Variants in RAB1A observed in about 807,000 individuals in gnomAD.
The protein encoded by RAB1A is ras-related protein Rab-1A.
In RAB1A, 2 loss-of-function variants were observed where a neutral mutation model predicts 26.0. That is an observed-to-expected ratio of 0.08 (90% confidence interval 0.03 to 0.24). The LOEUF is 0.24. Ranked by LOEUF, RAB1A falls within the 10% of genes least tolerant of loss-of-function variation. The pLI is 1.00. For synonymous variants in RAB1A, 84 were observed against 84.9 expected (o/e 0.99, Z 0.06); for missense variants, 100 against 247.0 (o/e 0.40, Z 3.99).
chr2:65,105,642 T>A (rs1018660662), intron 1 of RAB1A, among the ~76,000 whole-genome samples: 1 of 151,740 alleles, frequency 6.6e-6, no homozygotes, highest in Admixed American at 6.6e-5. Context: ...AATGTTCATA[T>A]AACTTCTGAA....
chr2:65,094,062 C>T (rs1056370795), intron 3 of RAB1A, among the ~76,000 whole-genome samples: 2 of 152,096 alleles, frequency 1.3e-5, no homozygotes, highest in Non-Finnish European at 2.9e-5. Context: ...CCTCCATCTC[C>T]GGGCTCAAGC....
intron 1 of RAB1A, 45 bp from the exon 2 acceptor site, chr2:65,104,851 A>G (rs754300946): frequency 2.1e-6 from 3 of 1,423,846 alleles, no homozygotes. Context: ...AGCACACTGC[A>G]TTGCTATAAG....
Position 65,088,479 on chromosome 2 carries a change from G to A in RAB1A, c.*14C>T. ...TGCAAATTCATTGCTGTGAGAAAAG[G>A]ATGGAGGCAAATTTTAGCAGCAACC... is the stretch of plus-strand genomic sequence containing the variant. On this transcript the variant is annotated 3_prime_UTR_variant, in exon 6 of 6. Coordinates refer to ENST00000409784, the MANE Select transcript of RAB1A (RefSeq NM_004161.5). 1 of 1,586,652 alleles carries A rather than the reference G, an allele frequency of 6.3e-7. No individual in the cohort carries two copies. The highest frequency in any genetic ancestry group is 1.3e-5 in the African/African-American group (1 of 74,234).
intron 2 of RAB1A, among the ~76,000 whole-genome samples, chr2:65,101,294 C>T (rs1235833475): frequency 6.6e-6 from 1 of 152,184 alleles, no homozygotes; most frequent in Middle Eastern, 3.2e-3. Flanking sequence ...GCCCCAAGGT[C>T]ATGTGGCATT....
chr2:65,114,059 G>C (rs544026776), intron 1 of RAB1A: 25 of 352,890 alleles, frequency 7.1e-5, no homozygotes, highest in South Asian at 5.7e-4. Flanking sequence ...TTACTTCTAA[G>C]TAGGTAGAGT....
chr2:65,092,920 G>A (rs571481849), intron 3 of RAB1A, among the ~76,000 whole-genome samples: 1 of 152,270 alleles, frequency 6.6e-6, no homozygotes, highest in African/African-American at 2.4e-5. Context: ...TCTCATAAGG[G>A]GCTCTTCCCC....
At chr2:65,126,627 T>C (rs1670107836) in intron 1 of RAB1A, among the ~76,000 whole-genome samples, 1 of 152,194 alleles carries the variant, frequency 6.6e-6, no homozygotes, top group Non-Finnish European at 1.5e-5. Context: ...TTGGTAATGA[T>C]AAACCAAAGT....
chr2:65,118,717 A>G (rs1669880890), intron 1 of RAB1A, among the ~76,000 whole-genome samples: 1 of 152,070 alleles, frequency 6.6e-6, no homozygotes, highest in South Asian at 2.1e-4. Flanking sequence ...AGCTCAGGCA[A>G]TCCGCCCACC....
intron 1 of RAB1A, among the ~76,000 whole-genome samples, chr2:65,111,831 C>G (rs1303472307): frequency 6.6e-6 from 1 of 152,146 alleles, no homozygotes; most frequent in African/African-American, 2.4e-5. Context: ...AGCCTATAAT[C>G]CCAGCACTTT....
At chr2:65,126,314 G>A (rs1038477170) in intron 1 of RAB1A, among the ~76,000 whole-genome samples, 1 of 148,582 alleles carries the variant, frequency 6.7e-6, no homozygotes, top group Non-Finnish European at 1.5e-5. Flanking sequence ...ACTCCATCTC[G>A]AAAAAAAGAA....
At chr2:65,122,731 C>T (rs1322043058) in intron 1 of RAB1A, among the ~76,000 whole-genome samples, 6 of 152,054 alleles carry the variant, frequency 3.9e-5, no homozygotes, top group Admixed American at 3.9e-4. Flanking sequence ...AATCTCAGCA[C>T]TTTGAGAGGC....
intron 3 of RAB1A, among the ~76,000 whole-genome samples, chr2:65,096,182 G>T (rs1669279011): frequency 1.3e-5 from 2 of 151,524 alleles, no homozygotes; most frequent in Non-Finnish European, 2.9e-5. Context: ...GGGCATGGTG[G>T]TACACACATA....
In RAB1A at chr2:65,114,252, A is replaced by C. The variant is rs906249139; in HGVS notation, c.24-9446T>G. On this transcript the variant is annotated intron_variant, in intron 1 of 5. Transcript: ENST00000409784. ...AAAGAAAGCTGATTGACATTAACCCAACTTTCAACATTCCACCCTTTGGAA... is the reference window on the plus strand; with the variant it reads ...AAAGAAAGCTGATTGACATTAACCCCACTTTCAACATTCCACCCTTTGGAA... The C allele has an allele frequency of 3.4e-5, 10 of 297,254 alleles. No homozygotes were observed. The East Asian group carries it at 8.2e-4, about 24-fold the overall frequency. 18.4% of individuals were successfully genotyped at this position (297,254 alleles called of 1,614,324 possible).
chr2:65,107,947 T>C (rs1398755494), intron 1 of RAB1A, among the ~76,000 whole-genome samples: 2 of 151,220 alleles, frequency 1.3e-5, no homozygotes, highest in Non-Finnish European at 2.9e-5. Context: ...AGCTTTAATC[T>C]CAGCTACTTG....
intron 1 of RAB1A, among the ~76,000 whole-genome samples, chr2:65,108,879 T>C (rs887948575): frequency 6.6e-6 from 1 of 152,196 alleles, no homozygotes; most frequent in Non-Finnish European, 1.5e-5. Flanking sequence ...TTATAAATAA[T>C]ATGAAGAATT....
intron 3 of RAB1A, among the ~76,000 whole-genome samples, chr2:65,093,104 GAAT>G (rs1669209070): frequency 6.6e-6 from 1 of 152,166 alleles, no homozygotes; most frequent in African/African-American, 2.4e-5. Flanking sequence ...TGTGAGAACA[GAAT>G]AATACATGCA....
At chr2:65,099,144 T>C (rs1669359628) in intron 2 of RAB1A, among the ~76,000 whole-genome samples, 2 of 151,792 alleles carry the variant, frequency 1.3e-5, no homozygotes, top group Non-Finnish European at 2.9e-5. Context: ...GCCCATTTTA[T>C]TGGCTGAATA....
chr2:65,105,212 T>C (rs543468214), intron 1 of RAB1A, among the ~76,000 whole-genome samples: 1 of 152,180 alleles, frequency 6.6e-6, no homozygotes, highest in Non-Finnish European at 1.5e-5. Flanking sequence ...CTCCTTCAAA[T>C]TCTAAGATCA....
chr2:65,107,681 C>T (rs1218744936), intron 1 of RAB1A, among the ~76,000 whole-genome samples: 13 of 152,074 alleles, frequency 8.5e-5, no homozygotes, highest in Non-Finnish European at 2.9e-5. Context: ...CTCAATGTAC[C>T]AATCTCCCTG....
Sources: allele counts gnomAD v4.1 joint callset (sites outside exome capture counted in the v4.1 genomes callset), GRCh38; gene constraint gnomAD v4.1.1; transcripts MANE v1.5; gene names NCBI Gene and HGNC (gene_info 2026-07-23, HGNC 2026-07-21).